The following MTSS1 variants were observed in gnomAD, a reference collection of about 807,000 sequenced individuals.
MTSS1 encodes protein MTSS 1.
A neutral mutation model predicts 79.0 loss-of-function variants in MTSS1; 18 were observed. That is an observed-to-expected ratio of 0.23 (90% CI 0.16 to 0.34). The LOEUF is 0.34. MTSS1 is among the 10% of genes least tolerant of loss of function. MTSS1 has a pLI of 1.00. For synonymous variants in MTSS1, 341 were observed against 368.6 expected (o/e 0.93, Z 0.86); for missense variants, 815 against 986.2 (o/e 0.83, Z 2.33).
intron 11 of MTSS1, 28 bp from the exon 12 acceptor site, chr8:124,556,433 C>CACTGG: frequency 6.3e-7 from 1 of 1,581,118 alleles, no homozygotes. Flanking sequence ...GGTCAGGAGC[C>CACTGG]AGGGCCTCTG....
intron 3 of MTSS1, among the ~76,000 whole-genome samples, chr8:124,622,794 A>C (rs1338044298): frequency 2.7e-5 from 1 of 36,404 alleles, no homozygotes; most frequent in African/African-American, 3.0e-4. Flanking sequence ...AGTCCATCTC[A>C]AAAAAAAAAA....
intron 3 of MTSS1, among the ~76,000 whole-genome samples, chr8:124,591,531 C>T (rs1831879385): frequency 1.3e-5 from 2 of 152,166 alleles, no homozygotes. Context: ...TGATTGTAAT[C>T]TAAAAATTGA....
Position 124,597,226 on chromosome 8 carries a change from C to T in MTSS1, c.209-5991G>A, listed in dbSNP as rs934958161. 1.9e-4 allele frequency among the ~76,000 whole-genome samples: 29 copies of T among 152,048 alleles called. No individual in the cohort carries two copies. Among genetic ancestry groups the T allele is most frequent in the Non-Finnish European group, 8.8e-5 (6 of 68,024 alleles). ...ACCCTCTGTGGTAGGCATTATCAGC[C>T]CCATGTTACAAATGAAAACACCTGA... On this transcript the variant is annotated intron_variant, in intron 3 of 13. Coordinates refer to ENST00000518547, the MANE Select transcript of MTSS1 (RefSeq NM_014751.6). The surrounding 1 kb of genome is among the most constrained non-coding windows in gnomAD (Gnocchi z 4.6).
chr8:124,631,217 G>A (rs537796122), intron 3 of MTSS1, among the ~76,000 whole-genome samples: 22 of 152,258 alleles, frequency 1.4e-4, no homozygotes, highest in African/African-American at 4.6e-4. Flanking sequence ...TCCTGGACTC[G>A]GATTCCAGGC....
chr8:124,711,903 G>A (rs1010431328), intron 1 of MTSS1, among the ~76,000 whole-genome samples: 1 of 151,468 alleles, frequency 6.6e-6, no homozygotes, highest in African/African-American at 2.4e-5. Context: ...AGTTACTCAG[G>A]AGGCTAAGGC....
At chr8:124,639,268 G>A (rs1055789099) in intron 3 of MTSS1, among the ~76,000 whole-genome samples, 3 of 152,098 alleles carry the variant, frequency 2.0e-5, no homozygotes, top group Admixed American at 6.5e-5. Flanking sequence ...AACCCAGGAG[G>A]CAGAGGTTGC....
intron 3 of MTSS1, among the ~76,000 whole-genome samples, chr8:124,672,493 C>CA (rs113964635): frequency 0.016 from 2,109 of 132,002 alleles, 33 homozygotes; most frequent in African/African-American, 0.046. Flanking sequence ...GACTCTGCCT[C>CA]AAAAAAAAAA....
intron 3 of MTSS1, among the ~76,000 whole-genome samples, chr8:124,688,001 G>A (rs938141961): frequency 3.9e-5 from 6 of 152,168 alleles, no homozygotes; most frequent in Non-Finnish European, 7.4e-5. Flanking sequence ...AGTACCACCC[G>A]GGCGGCTGGA....
chr8:124,598,845 G>T (rs942602494), intron 3 of MTSS1, among the ~76,000 whole-genome samples: 3 of 152,224 alleles, frequency 2.0e-5, no homozygotes, highest in African/African-American at 7.2e-5. Flanking sequence ...GGAGCCTGAG[G>T]AGCTGCATCA....
rs544343355 is a variant in MTSS1, at chr8:124,659,171, G to A, written c.208+40355C>T. The stretch of plus-strand genomic sequence containing the variant: ...ATATAACCAGAATCATGGATGATTC[G>A]ATGAAATGAATAATGCACAATAAAA... On this transcript the variant is annotated intron_variant, in intron 3 of 13. Transcript: ENST00000518547. 9.9e-5 allele frequency among the ~76,000 whole-genome samples: 15 copies of A among 152,184 alleles called. No homozygotes were observed. The South Asian group carries it at 1.5e-3, about 15-fold the overall frequency.
chr8:124,585,707 G>A (rs950319416), intron 5 of MTSS1, among the ~76,000 whole-genome samples: 1 of 151,986 alleles, frequency 6.6e-6, no homozygotes, highest in Admixed American at 6.6e-5. Flanking sequence ...CATGCCTGGC[G>A]GGGAATACTT....
chr8:124,622,435 T>C (rs1203077204), intron 3 of MTSS1, among the ~76,000 whole-genome samples: 1 of 146,922 alleles, frequency 6.8e-6, no homozygotes, highest in Admixed American at 6.9e-5. Flanking sequence ...CATTGAATTA[T>C]ACCGGGGATT....
At chr8:124,672,947 G>A (rs1393933479) in intron 3 of MTSS1, among the ~76,000 whole-genome samples, 1 of 151,952 alleles carries the variant, frequency 6.6e-6, no homozygotes, top group East Asian at 1.9e-4. Flanking sequence ...TGATGAAGAA[G>A]AAATGAGACC....
At chr8:124,719,419 C>T (rs1430850) in intron 1 of MTSS1, among the ~76,000 whole-genome samples, 102,560 of 152,040 alleles carry the variant, frequency 0.67, 35,110 homozygotes, top group Admixed American at 0.77. Context: ...TACTCCCACC[C>T]TAAATGGGAA....
Position 124,553,400 on chromosome 8 carries a change from G to A in MTSS1, c.1860C>T (p.Thr620=), listed in dbSNP as rs772734706. The A allele has an allele frequency of 1.9e-6, 3 of 1,608,002 alleles. No individual in the cohort carries two copies. The highest frequency in any genetic ancestry group is 2.2e-5 in the South Asian group (2 of 90,736). Residue 620 remains threonine (T), a synonymous_variant, in exon 14 of 14, where the codon ACC becomes ACT. Transcript: ENST00000518547. This position sits in a 1 kb window ranked among gnomAD's most constrained non-coding sequence, Gnocchi z 6.0. ...PIKTPVIPVK[T]PTVPDLPGVL... ...CCCCTGGGAGGTCTGGGACGGTTGG[G>A]GTCTTGACAGGGATCACGGGTGTCT...
intron 10 of MTSS1, among the ~76,000 whole-genome samples, chr8:124,558,233 T>C (rs185190108): frequency 1.7e-4 from 24 of 138,384 alleles, no homozygotes; most frequent in Admixed American, 1.7e-3. Flanking sequence ...TATGCAAATT[T>C]AAAAATTCCA....
chr8:124,686,395 CT>C (rs148372900), intron 3 of MTSS1, among the ~76,000 whole-genome samples: 1 of 151,986 alleles, frequency 6.6e-6, no homozygotes, highest in Admixed American at 6.6e-5. Context: ...AGGAAGCAGT[CT>C]TTTTTTAGTA....
Position 124,553,467 on chromosome 8 carries a change from G to C in MTSS1, c.1793C>G (p.Ser598Cys), listed in dbSNP as rs905174582. ...AGCTCCAATGGTTCCCCGGCGGACA[G>C]AAGGCTTGGTGGAAGGGGTCCGTCG... The part of the protein sequence containing the change: ...TIRRTPSTKP[S>C]VRRGTIGAGP... The change falls in exon 14 of 14, where the codon TCT becomes TGT. Residue 598 changes from serine (S) to cysteine (C), a missense_variant. Physicochemically the swap from Ser to Cys is moderately radical, Grantham distance 112 (BLOSUM62 -1). Around this residue, in one of 2 missense-constraint regions of MTSS1, gnomAD observed 590 missense variants for 620.8 expected, o/e 0.95. Coordinates refer to ENST00000518547, the MANE Select transcript of MTSS1 (RefSeq NM_014751.6). This position sits in a 1 kb window ranked among gnomAD's most constrained non-coding sequence, Gnocchi z 6.0. 1.9e-6 allele frequency: 3 copies of C among 1,610,242 alleles called. No individual in the cohort carries two copies. Among genetic ancestry groups the C allele is most frequent in the Non-Finnish European group, 2.5e-6 (3 of 1,177,208 alleles).
intron 3 of MTSS1, among the ~76,000 whole-genome samples, chr8:124,599,611 G>A (rs963752912): frequency 6.6e-6 from 1 of 152,068 alleles, no homozygotes; most frequent in African/African-American, 2.4e-5. Flanking sequence ...AAATGTGAGT[G>A]TAGGCTCGCC....
Sources: gnomAD v4.1 joint callset for allele counts (sites outside exome capture counted in the v4.1 genomes callset) on GRCh38, gnomAD v4.1.1 for gene constraint, gnomAD v4.1.1 regional missense constraint, Gnocchi (gnomAD v3.1) non-coding constraint, MANE v1.5 for transcripts, NCBI Gene and HGNC (gene_info 2026-07-23, HGNC 2026-07-21) for gene names.